Variants in GPC6 observed in about 807,000 individuals in gnomAD.
GPC6 encodes the protein glypican 6.
GPC6 carries 14 observed loss-of-function variants against 55.2 expected under a neutral mutation model. That is an observed-to-expected ratio of 0.25 (90% CI 0.17 to 0.40). The LOEUF (loss-of-function observed/expected upper bound fraction) is 0.40. GPC6 is among the 10% of genes least tolerant of loss of function. The pLI is 1.00. For synonymous variants in GPC6, 278 were observed against 259.6 expected (o/e 1.07, Z -0.68); for missense variants, 641 against 708.5 (o/e 0.90, Z 1.08).
At chr13:94,116,486 C>T (rs895358561) in intron 4 of GPC6, among the ~76,000 whole-genome samples, 1 of 152,080 alleles carries the variant, frequency 6.6e-6, no homozygotes, top group Non-Finnish European at 1.5e-5. Context: ...TTAGAATTCA[C>T]ATGCATAAAA....
chr13:94,141,598 C>T (rs1315986609), intron 4 of GPC6, among the ~76,000 whole-genome samples: 1 of 152,154 alleles, frequency 6.6e-6, no homozygotes, highest in Non-Finnish European at 1.5e-5. Flanking sequence ...CTCTGGGGCC[C>T]CCTTGACCAA....
intron 4 of GPC6, among the ~76,000 whole-genome samples, chr13:94,132,730 A>G (rs2183099): frequency 0.012 from 1,765 of 152,258 alleles, 19 homozygotes; most frequent in Admixed American, 0.019. Context: ...AGGCCATTTT[A>G]TCTCTCTCCT....
At chr13:94,246,254 G>A (rs2139032025) in intron 4 of GPC6, among the ~76,000 whole-genome samples, 1 of 152,098 alleles carries the variant, frequency 6.6e-6, no homozygotes, top group African/African-American at 2.4e-5. Context: ...ATAAATCTTG[G>A]ATATTAAGCC....
intron 4 of GPC6, among the ~76,000 whole-genome samples, chr13:94,168,438 T>A (rs1888441169): frequency 6.6e-6 from 1 of 152,120 alleles, no homozygotes; most frequent in South Asian, 2.1e-4. Flanking sequence ...AGACCATAAA[T>A]GAAACAATAT....
intron 1 of GPC6, among the ~76,000 whole-genome samples, chr13:93,331,849 T>A (rs1232043958): frequency 6.6e-6 from 1 of 152,078 alleles, no homozygotes; most frequent in African/African-American, 2.4e-5. Flanking sequence ...AGCCAACCTT[T>A]CTTTATCACT....
At chr13:94,067,245 AATAACTTATTCAT>A (rs1368548672) in intron 4 of GPC6, among the ~76,000 whole-genome samples, 7 of 152,196 alleles carry the variant, frequency 4.6e-5, no homozygotes, top group Non-Finnish European at 8.8e-5. Context: ...TTGAAGCTTG[AATAACTTATTCAT>A]ACATCATAAA....
rs35761473 is a variant in GPC6 at position 93,356,103 on chromosome 13, T to G, written c.160+128487T>G. Among the ~76,000 whole-genome samples, 1,323 of 152,274 alleles carry G rather than the reference T, an allele frequency of 8.7e-3. 16 individuals carry two copies. Among genetic ancestry groups the G allele is most frequent in the Middle Eastern group, 0.02 (6 of 294 alleles). ...CAAGTAGGAATTTTCCACAGCCAGT[T>G]GTAAATATAATCTTGGCCTTTGCAG... On this transcript the variant is annotated intron_variant, in intron 1 of 8. Transcript: ENST00000377047.
intron 1 of GPC6, among the ~76,000 whole-genome samples, chr13:93,241,275 T>C (rs987221561): frequency 2.6e-5 from 4 of 152,206 alleles, no homozygotes; most frequent in African/African-American, 4.8e-5. Context: ...GGAATACCTA[T>C]GATTATAGGG....
chr13:93,347,335 GA>G (rs1220924285), intron 1 of GPC6, among the ~76,000 whole-genome samples: 2 of 152,124 alleles, frequency 1.3e-5, no homozygotes, highest in African/African-American at 4.8e-5. Context: ...TTTGTGGTGA[GA>G]TTTTTTTAAG....
chr13:94,200,172 A>C (rs1179323343), intron 4 of GPC6, among the ~76,000 whole-genome samples: 3 of 147,226 alleles, frequency 2.0e-5, no homozygotes, highest in Non-Finnish European at 4.5e-5. Context: ...AAAAAAAAAA[A>C]CCACATGTTT....
chr13:93,282,715 T>A (rs1877993523), intron 1 of GPC6, among the ~76,000 whole-genome samples: 1 of 149,676 alleles, frequency 6.7e-6, no homozygotes, highest in Non-Finnish European at 1.5e-5. Context: ...TTCTCCCCCT[T>A]CCATGGAGAT....
chr13:93,802,436 G>A (rs1173379797), intron 2 of GPC6, among the ~76,000 whole-genome samples: 2 of 151,608 alleles, frequency 1.3e-5, no homozygotes, highest in Non-Finnish European at 2.9e-5. Flanking sequence ...GAGTTTCAGT[G>A]TGTCACCCAG....
At chr13:94,309,218 A>C (rs1876111003) in intron 6 of GPC6, among the ~76,000 whole-genome samples, 1 of 152,104 alleles carries the variant, frequency 6.6e-6, no homozygotes, top group Non-Finnish European at 1.5e-5. Flanking sequence ...TCAAAACACT[A>C]CTCCAATCAC....
intron 2 of GPC6, among the ~76,000 whole-genome samples, chr13:93,588,345 T>C (rs9561405): frequency 0.055 from 8,420 of 151,984 alleles, 421 homozygotes; most frequent in East Asian, 0.31. Flanking sequence ...TAAGGCAGCT[T>C]TTAAAACAAG....
At chr13:93,301,077 C>T (rs1053551489) in intron 1 of GPC6, among the ~76,000 whole-genome samples, 9 of 152,282 alleles carry the variant, frequency 5.9e-5, no homozygotes, top group East Asian at 3.9e-4. Context: ...AAATCCAACC[C>T]GGTTCCATTG....
chr13:94,098,982 T>A (rs1885757413), intron 4 of GPC6, among the ~76,000 whole-genome samples: 1 of 152,130 alleles, frequency 6.6e-6, no homozygotes, highest in African/African-American at 2.4e-5. Context: ...CCGTTAGCAG[T>A]CTACATGAAT....
intron 1 of GPC6, among the ~76,000 whole-genome samples, chr13:93,297,685 C>G (rs1187172633): frequency 6.6e-6 from 1 of 152,082 alleles, no homozygotes; most frequent in Non-Finnish European, 1.5e-5. Context: ...TTCACCTCAG[C>G]TAAAATGTCA....
At chr13:93,408,034 C>T (rs921246569) in intron 1 of GPC6, among the ~76,000 whole-genome samples, 19 of 152,162 alleles carry the variant, frequency 1.2e-4, no homozygotes, top group Non-Finnish European at 1.9e-4. Flanking sequence ...TCATAAGCTA[C>T]AATACTAAGA....
chr13:94,061,279 C>A (rs756053893), intron 4 of GPC6, among the ~76,000 whole-genome samples: 19 of 152,144 alleles, frequency 1.2e-4, no homozygotes, highest in Non-Finnish European at 2.2e-4. Flanking sequence ...CATCTTAGTA[C>A]TACAAAATCA....
Sources: allele counts gnomAD v4.1 joint callset (sites outside exome capture counted in the v4.1 genomes callset), GRCh38; gene constraint gnomAD v4.1.1; transcripts MANE v1.5; gene names NCBI Gene and HGNC (gene_info 2026-07-23, HGNC 2026-07-21).